Variants in MRTFA observed in about 807,000 individuals in gnomAD.
MRTFA encodes myocardin-related transcription factor A.
MRTFA carries 20 observed loss-of-function variants against 83.5 expected under a neutral mutation model. The ratio of observed to expected loss-of-function variants is 0.24; its 90% CI spans 0.17 to 0.35. The LOEUF (loss-of-function observed/expected upper bound fraction) is 0.35. Ranked by LOEUF, MRTFA falls within the 10% of genes least tolerant of loss-of-function variation. The pLI, the probability that MRTFA is intolerant of heterozygous loss-of-function variation, is 1.00. For synonymous variants in MRTFA, 659 were observed against 541.2 expected, an observed-to-expected ratio of 1.22 and a Z score of -3.02; for missense variants, 1,200 against 1,224.7, an observed-to-expected ratio of 0.98 and a Z score of 0.30.
At chr22:40,452,682 G>T (rs1320093998) in intron 4 of MRTFA, among the ~76,000 whole-genome samples, 3 of 151,624 alleles carry the variant, frequency 2.0e-5, no homozygotes, top group Non-Finnish European at 4.4e-5. Flanking sequence ...TGGGTGGCAG[G>T]CGCCTGTAAT....
At chr22:40,484,999 G>A (rs2054151877) in intron 3 of MRTFA, among the ~76,000 whole-genome samples, 1 of 151,716 alleles carries the variant, frequency 6.6e-6, no homozygotes, top group Non-Finnish European at 1.5e-5. Flanking sequence ...TTGCATCTGG[G>A]AGTAGGAGGT....
chr22:40,549,166 G>T (rs2055409998), intron 3 of MRTFA, among the ~76,000 whole-genome samples: 1 of 151,944 alleles, frequency 6.6e-6, no homozygotes, highest in Non-Finnish European at 1.5e-5. Flanking sequence ...CTGGGCTCAG[G>T]CAATCCTCAA....
intron 3 of MRTFA, among the ~76,000 whole-genome samples, chr22:40,519,089 G>A (rs1019093872): frequency 2.7e-5 from 4 of 150,656 alleles, no homozygotes; most frequent in South Asian, 2.1e-4. Context: ...TTGGCTCACC[G>A]CAACCTCTGC....
chr22:40,429,813 G>A (rs766316287), intron 6 of MRTFA, 46 bp from the exon 7 acceptor site: 16 of 1,551,120 alleles, frequency 1.0e-5, no homozygotes, highest in African/African-American at 4.1e-5. Context: ...ATGAGTGGAC[G>A]TGGTTCTGCC....
chr22:40,624,869 T>C (rs1047248721), intron 1 of MRTFA, among the ~76,000 whole-genome samples: 2 of 152,212 alleles, frequency 1.3e-5, no homozygotes, highest in South Asian at 2.1e-4. Flanking sequence ...ACTTTAAGAA[T>C]CAGCTTTCAG....
chr22:40,591,828 TAAAAATGG>T (rs2056125077), intron 2 of MRTFA, among the ~76,000 whole-genome samples: 1 of 151,994 alleles, frequency 6.6e-6, no homozygotes, highest in Non-Finnish European at 1.5e-5. Context: ...GACAGAAAAA[TAAAAATGG>T]AAAAATGCAT....
chr22:40,580,408 A>G (rs2055930803), intron 2 of MRTFA, among the ~76,000 whole-genome samples: 1 of 152,124 alleles, frequency 6.6e-6, no homozygotes, highest in Non-Finnish European at 1.5e-5. Flanking sequence ...TACATTGCCC[A>G]AGCTGGTCTC....
At chr22:40,594,505 C>T (rs1407095316) in intron 2 of MRTFA, among the ~76,000 whole-genome samples, 169 bp downstream of exon 2, 1 of 152,010 alleles carries the variant, frequency 6.6e-6, no homozygotes, top group African/African-American at 2.4e-5. Context: ...TAGTCCACAA[C>T]ATTAAACCAC....
intron 4 of MRTFA, among the ~76,000 whole-genome samples, chr22:40,438,934 TTAATA>T (rs542559539): frequency 9.8e-4 from 149 of 152,336 alleles, no homozygotes; most frequent in African/African-American, 3.3e-3. Context: ...AAGAAAGGGA[TTAATA>T]TCTGTTGGAT....
At chr22:40,497,859 C>G (rs928930217) in intron 3 of MRTFA, among the ~76,000 whole-genome samples, 27 of 152,016 alleles carry the variant, frequency 1.8e-4, no homozygotes, top group African/African-American at 6.3e-4. Flanking sequence ...CTTGGCCGGG[C>G]ACAGTAGCTC....
At chr22:40,627,636 T>A (rs1282578389) in intron 1 of MRTFA, among the ~76,000 whole-genome samples, 1 of 152,218 alleles carries the variant, frequency 6.6e-6, no homozygotes, top group African/African-American at 2.4e-5. Flanking sequence ...GAGGCAAAGT[T>A]AGGAACTTCA....
chr22:40,558,803 T>C (rs2055571023), intron 2 of MRTFA, among the ~76,000 whole-genome samples: 1 of 151,528 alleles, frequency 6.6e-6, no homozygotes, highest in South Asian at 2.1e-4. Context: ...TTGGGTTTTT[T>C]TTTTTTTGAG....
At chr22:40,626,546 C>G (rs927297024) in intron 1 of MRTFA, among the ~76,000 whole-genome samples, 1 of 152,164 alleles carries the variant, frequency 6.6e-6, no homozygotes, top group Non-Finnish European at 1.5e-5. Context: ...TCCCAAAGTA[C>G]TGGAATTACA....
At chr22:40,636,431 G>A (rs2056701454) in intron 1 of MRTFA, 47 bp downstream of exon 1, 1 of 152,246 alleles carries the variant, frequency 6.6e-6, no homozygotes. Flanking sequence ...TCCAGGCGGG[G>A]CGAGGCCGCG....
At chr22:40,615,227 G>C (rs2056434836) in intron 1 of MRTFA, among the ~76,000 whole-genome samples, 1 of 152,154 alleles carries the variant, frequency 6.6e-6, no homozygotes, top group South Asian at 2.1e-4. Context: ...ACTTGTTCCA[G>C]CAATAGCTGT....
intron 4 of MRTFA, among the ~76,000 whole-genome samples, chr22:40,457,474 GA>G (rs1428854549): frequency 3.4e-5 from 5 of 145,652 alleles, no homozygotes; most frequent in Non-Finnish European, 6.1e-5. Context: ...AAGAAAGAAA[GA>G]AAGAAAGAAA....
intron 1 of MRTFA, among the ~76,000 whole-genome samples, chr22:40,595,660 C>CA (rs1004823385): frequency 3.9e-5 from 6 of 152,020 alleles, no homozygotes; most frequent in African/African-American, 1.4e-4. Flanking sequence ...TATTATGAGG[C>CA]ATAATACAGC....
At chr22:40,620,281 C>T (rs749168885) in intron 1 of MRTFA, among the ~76,000 whole-genome samples, 29 of 151,976 alleles carry the variant, frequency 1.9e-4, no homozygotes, top group Non-Finnish European at 3.8e-4. Flanking sequence ...TGCATTACCA[C>T]GCCTGGCTAA....
chr22:40,426,289 G>A (rs187212306), intron 7 of MRTFA, among the ~76,000 whole-genome samples: 152 of 151,784 alleles, frequency 1.0e-3, no homozygotes, highest in African/African-American at 3.4e-3. Context: ...CCATTTCCTC[G>A]TCCTCCTCCC....
Sources: allele counts gnomAD v4.1 joint callset (sites outside exome capture counted in the v4.1 genomes callset), GRCh38; gene constraint gnomAD v4.1.1; transcripts MANE v1.5; gene names NCBI Gene and HGNC (gene_info 2026-07-23, HGNC 2026-07-21).